The following ANO6 variants were observed in gnomAD, a reference collection of about 807,000 sequenced individuals.
ANO6 encodes the protein anoctamin-6.
A neutral mutation model predicts 117.5 loss-of-function variants in ANO6; 106 were observed. The observed-to-expected ratio is 0.90, with a 90% confidence interval of 0.77 to 1.06. The LOEUF (loss-of-function observed/expected upper bound fraction) is 1.06. Among genes scored for constraint, ANO6 ranks in the 50% least tolerant of loss-of-function variants. ANO6 has a pLI of 0.00. For synonymous variants in ANO6, 367 were observed against 385.1 expected (o/e 0.95, Z 0.55); for missense variants, 955 against 1,121.1 (o/e 0.85, Z 2.12).
At chr12:45,295,612 G>T (rs1939264480) in intron 1 of ANO6, among the ~76,000 whole-genome samples, 1 of 151,932 alleles carries the variant, frequency 6.6e-6, no homozygotes, top group South Asian at 2.1e-4. Flanking sequence ...GGAGTGCAGG[G>T]GTACAGGGGC....
At chr12:45,217,000 G>T (rs141374097) in intron 1 of ANO6, among the ~76,000 whole-genome samples, 1 of 152,224 alleles carries the variant, frequency 6.6e-6, no homozygotes, top group East Asian at 1.9e-4. Flanking sequence ...AGGGAGGACC[G>T]CAGGGCCTTT....
At chr12:45,228,463 T>C (rs1389091736) in intron 1 of ANO6, among the ~76,000 whole-genome samples, 1 of 152,118 alleles carries the variant, frequency 6.6e-6, no homozygotes, top group Non-Finnish European at 1.5e-5. Context: ...AAAGTATGCA[T>C]GCTCCTTTGT....
chr12:45,359,754 G>A (rs1311378425), intron 8 of ANO6, among the ~76,000 whole-genome samples: 1 of 152,154 alleles, frequency 6.6e-6, no homozygotes, highest in Non-Finnish European at 1.5e-5. Flanking sequence ...GAACATTCAT[G>A]GACAAGTTTT....
intron 12 of ANO6, among the ~76,000 whole-genome samples, chr12:45,399,201 T>C (rs1254495527): frequency 6.7e-6 from 1 of 150,188 alleles, no homozygotes; most frequent in Non-Finnish European, 1.5e-5. Context: ...TTTTGTTTTG[T>C]TTTTTGTTTT....
chr12:45,383,997 C>T (rs1461494711), intron 10 of ANO6, among the ~76,000 whole-genome samples: 3 of 152,250 alleles, frequency 2.0e-5, no homozygotes, highest in African/African-American at 7.2e-5. Context: ...GCTATTTCAT[C>T]TACCTTGAAA....
intron 1 of ANO6, among the ~76,000 whole-genome samples, chr12:45,243,612 C>T (rs1324284442): frequency 2.0e-5 from 3 of 151,798 alleles, no homozygotes; most frequent in Non-Finnish European, 4.4e-5. Flanking sequence ...TGCAGTGGCA[C>T]AATCTCGGCT....
intron 1 of ANO6, among the ~76,000 whole-genome samples, chr12:45,279,666 A>G (rs1180017424): frequency 2.0e-5 from 3 of 152,222 alleles, no homozygotes; most frequent in African/African-American, 7.2e-5. Context: ...CCATTCCCAC[A>G]TTTGCTACAA....
chr12:45,310,628 T>G (rs1216500042), intron 2 of ANO6, among the ~76,000 whole-genome samples: 3 of 152,096 alleles, frequency 2.0e-5, no homozygotes, highest in Non-Finnish European at 4.4e-5. Flanking sequence ...TGGTTAAAGG[T>G]CTGGTGAAGT....
intron 3 of ANO6, among the ~76,000 whole-genome samples, chr12:45,333,932 C>T (rs1228415790): frequency 6.6e-6 from 1 of 151,970 alleles, no homozygotes; most frequent in Non-Finnish European, 1.5e-5. Flanking sequence ...TTGACTTCAC[C>T]AGAGTTTATC....
chr12:45,301,449 G>GT (rs1204652288), intron 1 of ANO6, among the ~76,000 whole-genome samples: 1 of 146,962 alleles, frequency 6.8e-6, no homozygotes, highest in African/African-American at 2.7e-5. Flanking sequence ...AAAAAAAAAT[G>GT]TTTTTTAATG....
downstream of ANO6, among the ~76,000 whole-genome samples, chr12:45,434,365 C>T (rs1943684042): frequency 6.6e-6 from 1 of 152,204 alleles, no homozygotes; most frequent in African/African-American, 2.4e-5. Flanking sequence ...GAACATGCTA[C>T]AGCCCTGGAA....
At position 45,244,355 on chromosome 12, in the gene ANO6, G is replaced by A. The variant is rs539188118; in HGVS notation, c.70+27964G>A. ...GGTAGATGCTGGTTGTCCCATTACC[G>A]TTTTTCTTACTGCCCAAGCAGCGGT... On this transcript the variant is annotated intron_variant, in intron 1 of 19. Transcript: ENST00000320560. Among the ~76,000 whole-genome samples, 116 of 133,210 alleles carry A rather than the reference G, an allele frequency of 8.7e-4. 1 individual carries two copies. Among genetic ancestry groups the A allele is most frequent in the Admixed American group, 7.2e-3 (84 of 11,682 alleles). The allele number at this position is 133,210 out of a possible 152,430, so 87.4% of individuals were successfully genotyped here. A position where few individuals can be genotyped will look rare whatever the true frequency, so the allele number is the denominator to read the frequency against.
chr12:45,265,822 AC>A (rs1375289586), intron 1 of ANO6, among the ~76,000 whole-genome samples: 2 of 152,172 alleles, frequency 1.3e-5, no homozygotes, highest in East Asian at 3.8e-4. Flanking sequence ...CAACTTCCTT[AC>A]AAAAATCCTG....
At chr12:45,320,111 T>C in intron 2 of ANO6, among the ~76,000 whole-genome samples, 1 of 152,214 alleles carries the variant, frequency 6.6e-6, no homozygotes, top group East Asian at 1.9e-4. Flanking sequence ...TTTGTGTTTC[T>C]ATCTCCTTCA....
Position 45,403,526 on chromosome 12 carries a change from GTAT to G in ANO6, c.1875_1877del (p.Leu626del). Reference sequence around the variant, plus strand: ...AGCAATCTGGAATAACATACAAGAAGTATTATTGCCGTGAGTGTTAAATTGTAT... The same window carrying G: ...AGCAATCTGGAATAACATACAAGAAGTATTGCCGTGAGTGTTAAATTGTAT... On this transcript the variant is annotated inframe_deletion, in exon 15 of 20. Transcript: ENST00000320560. The G allele has an allele frequency of 1.9e-6, 3 of 1,611,532 alleles. No individual in the cohort carries two copies. The highest frequency in any genetic ancestry group is 2.5e-6 in the Non-Finnish European group (3 of 1,177,756).
intron 1 of ANO6, among the ~76,000 whole-genome samples, chr12:45,259,875 G>C (rs989618814): frequency 1.3e-5 from 2 of 152,226 alleles, no homozygotes; most frequent in East Asian, 1.9e-4. Flanking sequence ...AATAGACTGC[G>C]TTAAAAGGCT....
chr12:45,438,887 G>A (rs978811256), intron 19 of ANO6, among the ~76,000 whole-genome samples: 5 of 151,966 alleles, frequency 3.3e-5, no homozygotes, highest in African/African-American at 4.8e-5. Flanking sequence ...GGAATATTGT[G>A]TATTAATTCA....
intron 2 of ANO6, among the ~76,000 whole-genome samples, chr12:45,320,369 G>A (rs1450171168): frequency 6.6e-5 from 10 of 151,974 alleles, no homozygotes; most frequent in South Asian, 2.1e-4. Context: ...CCTTCATTTC[G>A]TTATGTACCC....
rs1377673225 is a variant in ANO6 at position 45,395,825 on chromosome 12, A to G, written c.1386+5327A>G. On this transcript the variant is annotated intron_variant, in intron 12 of 19. Transcript: ENST00000320560. ...GCTAAAAACTCTCAATAAACTAGGT[A>G]TTGATGGAACATATTTCAAAATAAT... Among the ~76,000 whole-genome samples, 9 of 152,350 alleles carry G rather than the reference A, an allele frequency of 5.9e-5. No individual in the cohort carries two copies. In the East Asian group the frequency reaches 1.7e-3, roughly 29 times the overall value.
Sources: allele counts gnomAD v4.1 joint callset (sites outside exome capture counted in the v4.1 genomes callset), GRCh38; gene constraint gnomAD v4.1.1; transcripts MANE v1.5; gene names NCBI Gene and HGNC (gene_info 2026-07-23, HGNC 2026-07-21).